The following GRID2 variants were observed in gnomAD, a reference collection of about 807,000 sequenced individuals.
GRID2 encodes the protein glutamate receptor ionotropic, delta-2.
In GRID2, 33 loss-of-function variants were observed where a neutral mutation model predicts 114.8. The observed-to-expected ratio is 0.29, with a 90% CI of 0.22 to 0.38. The LOEUF (loss-of-function observed/expected upper bound fraction) is 0.38. GRID2 is among the 10% of genes least tolerant of loss of function. The pLI is 1.00. For missense variants in GRID2, 1,184 were observed against 1,257.7 expected, an observed-to-expected ratio of 0.94 and a Z score of 0.89; for synonymous variants, 505 against 449.9, an observed-to-expected ratio of 1.12 and a Z score of -1.55.
At chr4:93,344,075 T>C (rs886619069) in intron 8 of GRID2, among the ~76,000 whole-genome samples, 5 of 152,188 alleles carry the variant, frequency 3.3e-5, no homozygotes, top group Middle Eastern at 3.4e-3. Context: ...TAGTTATAAG[T>C]AAATTACACA....
intron 1 of GRID2, among the ~76,000 whole-genome samples, chr4:92,583,052 A>G (rs1180236417): frequency 6.6e-6 from 1 of 152,000 alleles, no homozygotes; most frequent in African/African-American, 2.4e-5. Flanking sequence ...AATTTGTTTT[A>G]ATGTATATAT....
At chr4:93,011,734 G>A (rs1351721522) in intron 2 of GRID2, among the ~76,000 whole-genome samples, 4 of 152,040 alleles carry the variant, frequency 2.6e-5, no homozygotes, top group African/African-American at 4.8e-5. Flanking sequence ...CACAATAGGA[G>A]CTTTGAGACT....
intron 9 of GRID2, among the ~76,000 whole-genome samples, chr4:93,413,611 T>A (rs1465241715): frequency 6.6e-6 from 1 of 152,188 alleles, no homozygotes; most frequent in Non-Finnish European, 1.5e-5. Flanking sequence ...AAATAGTTCT[T>A]GTTATTTTAA....
chr4:92,639,991 C>T lies in GRID2; in HGVS notation c.244+49705C>T, dbSNP rs12647044. Among the ~76,000 whole-genome samples, 7 of 151,726 alleles carry T rather than the reference C, an allele frequency of 4.6e-5. No individual in the cohort carries two copies. In the East Asian group the frequency reaches 5.8e-4, roughly 13 times the overall value. ...CTTATGATTTCTAACACAGACACTT[C>T]GGCTGAAATGCCATAAAACACTTAG... On this transcript the variant is annotated intron_variant, in intron 2 of 15. Coordinates refer to ENST00000282020, the MANE Select transcript of GRID2 (RefSeq NM_001510.4).
Position 93,806,881 on chromosome 4 carries a change from C to G in GRID2, c.*8C>G, listed in dbSNP as rs577189396. On this transcript the variant is annotated 3_prime_UTR_variant, in exon 2 of 2. Coordinates refer to the GRID2 transcript ENST00000637838. ...CCCCTGGATGACCCATAACCTCTAC[C>G]AGCACAAGAACTGCTGATCTGTTTT... is the stretch of plus-strand genomic sequence containing the variant. 4 of 152,346 alleles carry G rather than the reference C, an allele frequency of 2.6e-5. No homozygotes were observed. The South Asian group carries it at 8.3e-4, about 32-fold the overall frequency. The allele number at this position is 152,346 out of a possible 1,614,324, so 9.4% of individuals were successfully genotyped here.
intron 2 of GRID2, among the ~76,000 whole-genome samples, chr4:92,850,558 C>A (rs1743698378): frequency 6.6e-6 from 1 of 151,714 alleles, no homozygotes; most frequent in Non-Finnish European, 1.5e-5. Context: ...TTTTACAAAC[C>A]CAGATTGTGT....
chr4:93,100,622 T>G (rs1252963307), intron 3 of GRID2, among the ~76,000 whole-genome samples: 2 of 152,054 alleles, frequency 1.3e-5, no homozygotes, highest in Non-Finnish European at 2.9e-5. Flanking sequence ...TTTCAAATAT[T>G]AATTTTAATG....
At chr4:92,571,796 C>G (rs915437966) in intron 1 of GRID2, among the ~76,000 whole-genome samples, 1 of 151,772 alleles carries the variant, frequency 6.6e-6, no homozygotes, top group Non-Finnish European at 1.5e-5. Flanking sequence ...GGGTACATAA[C>G]AAAATGAAGG....
At chr4:92,532,379 G>T (rs1725397617) in intron 1 of GRID2, among the ~76,000 whole-genome samples, 1 of 152,110 alleles carries the variant, frequency 6.6e-6, no homozygotes, top group Non-Finnish European at 1.5e-5. Context: ...AAAAGGATTT[G>T]GTTATCATCA....
intron 2 of GRID2, among the ~76,000 whole-genome samples, chr4:92,912,746 CTT>C (rs1483278860): frequency 6.6e-6 from 1 of 151,744 alleles, no homozygotes; most frequent in African/African-American, 2.4e-5. Flanking sequence ...AAAACAAACT[CTT>C]TAAGAATTGT....
chr4:93,070,656 A>G (rs1366366776), intron 2 of GRID2, among the ~76,000 whole-genome samples: 6 of 152,096 alleles, frequency 3.9e-5, no homozygotes, highest in Non-Finnish European at 8.8e-5. Flanking sequence ...CCAAGGTCAT[A>G]TGAGTTTTGA....
intron 2 of GRID2, among the ~76,000 whole-genome samples, chr4:92,602,957 C>G (rs1033402047): frequency 1.3e-5 from 2 of 152,034 alleles, no homozygotes; most frequent in Admixed American, 1.3e-4. Context: ...ACAATTGCTA[C>G]AAAATGAATA....
intron 14 of GRID2, among the ~76,000 whole-genome samples, chr4:93,673,934 C>T (rs1276671541): frequency 2.0e-5 from 3 of 152,096 alleles, no homozygotes; most frequent in Non-Finnish European, 4.4e-5. Flanking sequence ...ACCCCGCCCT[C>T]TCTAGTTCCC....
chr4:93,354,776 A>C (rs994702921), intron 8 of GRID2, among the ~76,000 whole-genome samples: 1 of 137,748 alleles, frequency 7.3e-6, no homozygotes, highest in Non-Finnish European at 1.5e-5. Context: ...TATATGTAAT[A>C]TTTATATATG....
At chr4:93,183,342 G>A (rs888947611) in intron 4 of GRID2, among the ~76,000 whole-genome samples, 1 of 152,110 alleles carries the variant, frequency 6.6e-6, no homozygotes, top group African/African-American at 2.4e-5. Flanking sequence ...AATGTCATGA[G>A]TTTAAAATAA....
chr4:92,412,651 T>C (rs1446535244), intron 1 of GRID2, among the ~76,000 whole-genome samples: 1 of 151,982 alleles, frequency 6.6e-6, no homozygotes, highest in Non-Finnish European at 1.5e-5. Flanking sequence ...TTTCATTCAC[T>C]GAGAATTTGT....
In GRID2 at chr4:93,515,204, C is replaced by G; in HGVS notation, c.1998-12C>G. 1 of 1,402,738 alleles carries G rather than the reference C, an allele frequency of 7.1e-7. No individual in the cohort carries two copies. The highest frequency in any genetic ancestry group is 9.8e-7 in the Non-Finnish European group (1 of 1,025,006). The allele number at this position is 1,402,738 out of a possible 1,614,324, so 86.9% of individuals were successfully genotyped here. A position where few individuals can be genotyped will look rare whatever the true frequency, so the allele number is the denominator to read the frequency against. On this transcript the variant is annotated splice_polypyrimidine_tract_variant and intron_variant, in intron 12 of 15. Coordinates refer to ENST00000282020, the MANE Select transcript of GRID2 (RefSeq NM_001510.4). Reference sequence around the variant, plus strand: ...GTGTCTCTTGTGTCTCTCTTCTCTCCCAATAATCAAGGTCTCTCCAGGACC... The same window carrying G: ...GTGTCTCTTGTGTCTCTCTTCTCTCGCAATAATCAAGGTCTCTCCAGGACC...
At chr4:92,519,894 G>A (rs1338462935) in intron 1 of GRID2, among the ~76,000 whole-genome samples, 1 of 151,794 alleles carries the variant, frequency 6.6e-6, no homozygotes, top group African/African-American at 2.4e-5. Flanking sequence ...TCAGTCCTTT[G>A]GATAAGGTCC....
chr4:92,576,007 G>A lies in GRID2; in HGVS notation c.89-14124G>A, dbSNP rs539033244. Among the ~76,000 whole-genome samples the A allele has an allele frequency of 2.0e-3, 312 of 152,320 alleles. 1 individual carries two copies. Among genetic ancestry groups the A allele is most frequent in the Non-Finnish European group, 1.3e-3 (90 of 68,028 alleles). ...AACAGCTCTGCCATGCTAAGGAACC[G>A]CCTCTGCCCATTGGCTTGGACTCTC... On this transcript the variant is annotated intron_variant, in intron 1 of 15. Coordinates refer to ENST00000282020, the MANE Select transcript of GRID2 (RefSeq NM_001510.4).
Sources: allele counts gnomAD v4.1 joint callset (sites outside exome capture counted in the v4.1 genomes callset), GRCh38; gene constraint gnomAD v4.1.1; transcripts MANE v1.5; gene names NCBI Gene and HGNC (gene_info 2026-07-23, HGNC 2026-07-21).